The following PCDH20 variants were observed in gnomAD, a reference collection of about 807,000 sequenced individuals.
PCDH20 encodes the protein protocadherin 20.
In PCDH20, 18 loss-of-function variants were observed where a neutral mutation model predicts 39.7. The observed-to-expected ratio is 0.45, with a 90% CI of 0.31 to 0.67. The LOEUF (loss-of-function observed/expected upper bound fraction) is 0.67, where lower values mean the gene tolerates loss of function less well. Among genes scored for constraint, PCDH20 ranks in the 30% least tolerant of loss-of-function variants. The probability of loss-of-function intolerance (pLI) is 0.05; values close to 1 mark genes in which losing one functional copy is unlikely to be tolerated. For missense variants in PCDH20, 1,161 were observed against 1,167.4 expected (o/e 0.99, Z 0.08); for synonymous variants, 495 against 455.4 (o/e 1.09, Z -1.11).
At chr13:61,411,041 T>A in exon 2 of PCDH20, 1 of 488,160 alleles carries the variant, frequency 2.0e-6, no homozygotes, top group East Asian at 3.3e-5. Context: ...TAGCTGTTAG[T>A]ACTAATTTTC....
At position 61,413,644 on chromosome 13, in the gene PCDH20, A is replaced by T; in HGVS notation, c.455T>A (p.Leu152Gln). 6.2e-7 allele frequency: 1 copy of T among 1,614,160 alleles called. No homozygotes were observed. The highest frequency in any genetic ancestry group is 8.5e-7 in the Non-Finnish European group (1 of 1,180,002). ...AGTCCCTCCACCCCCTTCAACACAC[A>T]GGGCCTCCCTGTCGATCTCCTGAGC... The change falls in exon 2 of 2, where the codon CTG becomes CAG. Residue 152 changes from leucine (L) to glutamine (Q), a missense_variant. Leu to Gln is a moderately radical substitution (Grantham distance 113). This residue lies in a region of PCDH20 where 401 missense variants were observed against 368.7 expected (regional missense o/e 1.09). Coordinates refer to ENST00000409204, the Ensembl canonical transcript of PCDH20.
rs543863977 is a variant in PCDH20, at chr13:61,415,155, G to T, written c.4C>A (p.Arg2Ser). 52 of 1,436,994 alleles carry T rather than the reference G, an allele frequency of 3.6e-5. No homozygotes were observed. In the East Asian group the frequency reaches 1.0e-3, roughly 28 times the overall value. The allele number at this position is 1,436,994 out of a possible 1,614,324, so 89.0% of individuals were successfully genotyped here. The change falls in exon 1 of 2, where the codon CGC (arginine) becomes AGC (serine). Residue 2 changes from arginine (R) to serine (S), a missense_variant. Arg to Ser is a moderately radical substitution (Grantham distance 110). Around this residue, in one of 3 missense-constraint regions of PCDH20, gnomAD observed 401 missense variants for 368.7 expected, o/e 1.09. Transcript: ENST00000409204. ...GAGCTGCGCGCATTCCCTCGGCCGC[G>T]CATTCCCTGGGAGGCTGCAGTCAGA...
chr13:61,412,138 CCTGGAAAGTTTTCAGGCACAAAAAAG>C lies in PCDH20; in HGVS notation c.1935_1960del (p.Ser645ArgfsTer4), dbSNP rs1878258538. Reference sequence around the variant, plus strand: ...ACTAATTACTCCAATCTCACCATAGCCTGGAAAGTTTTCAGGCACAAAAAAGCTGAAGTCCTTGTTGATAAACCGAG... The same window carrying C: ...ACTAATTACTCCAATCTCACCATAGCCTGAAGTCCTTGTTGATAAACCGAG... On this transcript the variant is annotated frameshift_variant, in exon 2 of 2. Coordinates refer to ENST00000409204, the Ensembl canonical transcript of PCDH20. LOFTEE classifies it low-confidence loss of function (END_TRUNC). 2 of 1,614,004 alleles carry C rather than the reference CCTGGAAAGTTTTCAGGCACAAAAAAG, an allele frequency of 1.2e-6. No individual in the cohort carries two copies. Among genetic ancestry groups the C allele is most frequent in the African/African-American group, 2.7e-5 (2 of 74,902 alleles).
At chr13:61,409,873 C>G (rs1878210715) in exon 2 of PCDH20, 1 of 152,004 alleles carries the variant, frequency 6.6e-6, no homozygotes, top group Admixed American at 6.6e-5. Context: ...AAAATATATA[C>G]CTTTAATTTG....
chr13:61,410,751 A>G (rs1878228242), exon 2 of PCDH20: 1 of 152,680 alleles, frequency 6.5e-6, no homozygotes, highest in Admixed American at 6.5e-5. Context: ...ATGTTTAAAT[A>G]GGGTGAAATT....
exon 2 of PCDH20, chr13:61,413,891 A>G: frequency 6.2e-7 from 1 of 1,613,632 alleles, no homozygotes; most frequent in Non-Finnish European, 8.5e-7. Flanking sequence ...TTTAGGCTGT[A>G]CAGAAGCTCG....
At chr13:61,414,380 G>T (rs1008690750) in intron 1 of PCDH20, among the ~76,000 whole-genome samples, 30 of 152,228 alleles carry the variant, frequency 2.0e-4, no homozygotes, top group African/African-American at 7.0e-4. Flanking sequence ...AGCACTGAAA[G>T]GTGGGCAATT....
At chr13:61,412,221 G>C (rs200308516) in exon 2 of PCDH20, 44 of 1,613,880 alleles carry the variant, frequency 2.7e-5, no homozygotes, top group Non-Finnish European at 3.6e-5. Context: ...ACACTGTGAG[G>C]GCCACAGTGG....
rs779862281 is a variant in PCDH20, at chr13:61,413,563, A to G, written c.536T>C (p.Leu179Pro). The G allele has an allele frequency of 2.5e-6, 4 of 1,614,174 alleles. No individual in the cohort carries two copies. In the South Asian group the frequency reaches 4.4e-5, roughly 18 times the overall value. ...CTGAGGCAGGACAAGCACATCCAGC[A>G]GCAAAAGACAAGAGTCAGAAGGAGA... Residue 179 changes from leucine (L) to proline (P), a missense_variant, in exon 2 of 2, where the codon CTG becomes CCG. Transcript: ENST00000409204.
exon 2 of PCDH20, chr13:61,410,927 C>T (rs1210013084): frequency 2.7e-5 from 5 of 183,246 alleles, no homozygotes; most frequent in Non-Finnish European, 5.6e-5. Context: ...AAAATTTGTT[C>T]CATTTTTCTT....
rs774405422 is a variant in PCDH20 at position 61,412,242 on chromosome 13, T to G, written c.1857A>C (p.Arg619Ser). ...TGAGGGCCACAGTGGCTACTGATTC[T>G]CTGGGTGGCTTCCCACAGTCAACAG... Residue 619 changes from arginine to serine, a missense_variant, in exon 2 of 2, where the codon AGA becomes AGC. Coordinates refer to ENST00000409204, the Ensembl canonical transcript of PCDH20. The G allele has an allele frequency of 8.7e-6, 14 of 1,614,180 alleles. No homozygotes were observed. In the South Asian group the frequency reaches 1.5e-4, roughly 18 times the overall value.
Position 61,415,108 on chromosome 13 carries a change from C to T in PCDH20, c.51G>A (p.Trp17Ter), listed in dbSNP as rs1370614020. The T allele has an allele frequency of 6.4e-7, 1 of 1,555,312 alleles. No individual in the cohort carries two copies. Among genetic ancestry groups the T allele is most frequent in the Middle Eastern group, 2.0e-4 (1 of 4,912 alleles). The change falls in exon 1 of 2, where the codon TGG becomes TGA. Residue 17 changes from tryptophan (W) to a stop codon, truncating the protein, a stop_gained. Coordinates refer to ENST00000409204, the Ensembl canonical transcript of PCDH20. LOFTEE classifies it high-confidence loss of function. ...GGCGCGGGTGCCAGGTCGCCGGGCA[C>T]CAGCTCACTCCCAGGGCCTGTGAGC...
chr13:61,410,446 T>C (rs1878223084), exon 2 of PCDH20: 1 of 152,350 alleles, frequency 6.6e-6, no homozygotes, highest in Admixed American at 6.5e-5. Context: ...CTTCTGGCTG[T>C]TTTTCTTGGG....
chr13:61,415,205 A>G, exon 1 of PCDH20: 2 of 1,326,896 alleles, frequency 1.5e-6, no homozygotes, highest in Non-Finnish European at 2.0e-6. Context: ...AGGGCGGCAG[A>G]AGACACTCCC....
At chr13:61,412,699 C>T (rs2138019044) in exon 2 of PCDH20, 2 of 1,614,128 alleles carry the variant, frequency 1.2e-6, no homozygotes, top group Non-Finnish European at 1.7e-6. Context: ...ATCCAGGTAG[C>T]AGTTAACCTT....
In PCDH20 at chr13:61,412,991, A is replaced by C. The variant is rs572321823; in HGVS notation, c.1108T>G (p.Leu370Val). The change falls in exon 2 of 2, where the codon TTA becomes GTA. Residue 370 changes from leucine to valine, a missense_variant. Around this residue, in one of 3 missense-constraint regions of PCDH20, gnomAD observed 754 missense variants for 777.5 expected, o/e 0.97. Transcript: ENST00000409204. ...CCAGTGTTTTCATCCAGGTGAAATAAATCCTTAGATGCTTGTGGAACTTTC... is the reference window on the plus strand; with the variant it reads ...CCAGTGTTTTCATCCAGGTGAAATACATCCTTAGATGCTTGTGGAACTTTC... The C allele has an allele frequency of 6.4e-5, 103 of 1,614,194 alleles. No individual in the cohort carries two copies. The South Asian group carries it at 1.1e-3, about 17-fold the overall frequency.
chr13:61,412,309 A>G (rs1268423633), exon 2 of PCDH20: 2 of 1,614,022 alleles, frequency 1.2e-6, no homozygotes, highest in Non-Finnish European at 1.7e-6. Context: ...TTCTCGGTCC[A>G]GCTGAGTAGA....
exon 2 of PCDH20, chr13:61,411,171 C>A (rs1878236247): frequency 7.6e-6 from 10 of 1,322,676 alleles, no homozygotes; most frequent in Middle Eastern, 2.1e-4. Context: ...CTGCCATCAA[C>A]ACACTCTTTT....
At chr13:61,411,654 A>G in exon 2 of PCDH20, 1 of 1,614,232 alleles carries the variant, frequency 6.2e-7, no homozygotes, top group Non-Finnish European at 8.5e-7. Context: ...GATGGAGCCC[A>G]TAATCTGTCT....
Sources: gnomAD v4.1 joint callset for allele counts (sites outside exome capture counted in the v4.1 genomes callset) on GRCh38, gnomAD v4.1.1 for gene constraint, gnomAD v4.1.1 regional missense constraint, MANE v1.5 for transcripts, NCBI Gene and HGNC (gene_info 2026-07-23, HGNC 2026-07-21) for gene names.